The following CRTC3 variants were observed in gnomAD, a reference collection of about 807,000 sequenced individuals.
The protein encoded by CRTC3 is CREB-regulated transcription coactivator 3.
CRTC3 carries 26 observed loss-of-function variants against 74.5 expected under a neutral mutation model. The observed-to-expected ratio is 0.35, with a 90% CI of 0.26 to 0.48. The LOEUF (loss-of-function observed/expected upper bound fraction) is 0.48. Among genes scored for constraint, CRTC3 ranks in the 20% least tolerant of loss-of-function variants. The pLI is 0.99. For synonymous variants in CRTC3, 377 were observed against 325.8 expected (o/e 1.16, Z -1.69); for missense variants, 760 against 787.3 (o/e 0.97, Z 0.41).
chr15:90,599,954 C>T (rs1283076540), intron 3 of CRTC3, among the ~76,000 whole-genome samples: 1 of 151,724 alleles, frequency 6.6e-6, no homozygotes, highest in Admixed American at 6.6e-5. Context: ...GGTTCTGAGG[C>T]TCGGTGTTTC....
At chr15:90,564,735 A>C (rs1466064588) in intron 2 of CRTC3, among the ~76,000 whole-genome samples, 2 of 152,220 alleles carry the variant, frequency 1.3e-5, no homozygotes, top group Non-Finnish European at 2.9e-5. Flanking sequence ...CCTAACCAGC[A>C]AAGAAACATC....
chr15:90,606,226 G>A (rs865778415), intron 5 of CRTC3, among the ~76,000 whole-genome samples: 29 of 150,474 alleles, frequency 1.9e-4, no homozygotes, highest in Admixed American at 4.7e-4. Flanking sequence ...CAGCCTGGGC[G>A]ACAAGAGTGA....
At chr15:90,562,694 A>C (rs1224206269) in intron 2 of CRTC3, among the ~76,000 whole-genome samples, 1 of 152,042 alleles carries the variant, frequency 6.6e-6, no homozygotes, top group African/African-American at 2.4e-5. Context: ...CCTTCCCTTG[A>C]CTACCTAGGA....
At chr15:90,562,848 G>A (rs372375454) in intron 2 of CRTC3, among the ~76,000 whole-genome samples, 2 of 151,964 alleles carry the variant, frequency 1.3e-5, no homozygotes, top group Non-Finnish European at 1.5e-5. Context: ...CAGACCAGCC[G>A]CAAGCAGGAG....
intron 2 of CRTC3, among the ~76,000 whole-genome samples, chr15:90,577,358 C>T (rs1332353441): frequency 6.6e-6 from 1 of 152,182 alleles, no homozygotes; most frequent in African/African-American, 2.4e-5. Context: ...CCAAATCAGT[C>T]TGGCAGAGAG....
At position 90,629,349 on chromosome 15, in the gene CRTC3, C is replaced by G. The variant is rs773543374; in HGVS notation, c.1083C>G (p.His361Gln). Reference protein sequence around the residue: ...QTSVPNASALHPSLRLFSLSN... With the variant: ...QTSVPNASALQPSLRLFSLSN... ...CTGTTCCCAACGCATCTGCTCTTCA[C>G]CCTTCGCTCCGTCTGTTTTCCCTTA... Residue 361 changes from histidine (H) to glutamine (Q), a missense_variant, in exon 11 of 15, where the codon CAC (histidine) becomes CAG (glutamine). Physicochemically the swap from His to Gln is conservative, Grantham distance 24. Transcript: ENST00000268184. The G allele has an allele frequency of 1.9e-6, 3 of 1,614,028 alleles. No homozygotes were observed. The highest frequency in any genetic ancestry group is 2.5e-6 in the Non-Finnish European group (3 of 1,180,042).
intron 9 of CRTC3, among the ~76,000 whole-genome samples, chr15:90,621,765 G>A (rs1257700953): frequency 1.3e-5 from 2 of 152,176 alleles, no homozygotes; most frequent in Non-Finnish European, 1.5e-5. Flanking sequence ...TTTAAAGCAG[G>A]TGTTTCTTAG....
intron 2 of CRTC3, among the ~76,000 whole-genome samples, chr15:90,553,983 A>G (rs1046582080): frequency 5.3e-5 from 8 of 152,190 alleles, no homozygotes; most frequent in African/African-American, 1.7e-4. Flanking sequence ...TGTGATGGGC[A>G]AAAGGGTCAT....
Position 90,627,835 on chromosome 15 carries a change from T to C in CRTC3, c.968-1399T>C, listed in dbSNP as rs376491306. The stretch of plus-strand genomic sequence containing the variant: ...TTCACCTTGTTAGCCAGGATGGTCT[T>C]GATCTCCTGACCTCATGATCCACCC... On this transcript the variant is annotated intron_variant, in intron 10 of 14. Transcript: ENST00000268184. Among the ~76,000 whole-genome samples, 223 of 111,774 alleles carry C rather than the reference T, an allele frequency of 2.0e-3. 4 individuals carry two copies. In the South Asian group the frequency reaches 0.045, roughly 22 times the overall value. 73.3% of individuals were successfully genotyped at this position (111,774 alleles called of 152,430 possible). A position where few individuals can be genotyped will look rare whatever the true frequency, so the allele number is the denominator to read the frequency against.
intron 2 of CRTC3, among the ~76,000 whole-genome samples, chr15:90,547,918 G>T (rs111283997): frequency 0.039 from 5,370 of 138,002 alleles, 153 homozygotes; most frequent in Non-Finnish European, 0.057. Flanking sequence ...TTGTGACAAG[G>T]TCTCAAGGTC....
chr15:90,601,215 T>C (rs1968059735), intron 3 of CRTC3, among the ~76,000 whole-genome samples: 1 of 152,150 alleles, frequency 6.6e-6, no homozygotes, highest in Non-Finnish European at 1.5e-5. Flanking sequence ...CAGCATCCCA[T>C]TTGTGTCTCC....
chr15:90,617,940 T>G lies in CRTC3; in HGVS notation c.671T>G (p.Leu224Arg). 1.2e-6 allele frequency: 2 copies of G among 1,612,388 alleles called. No individual in the cohort carries two copies. Among genetic ancestry groups the G allele is most frequent in the Admixed American group, 1.7e-5 (1 of 60,012 alleles). ...AATCTGTTAAATGTTCCGAAGCCAC[T>G]GCCAAAACAACTGTGGGAGACCAAG... is the stretch of plus-strand genomic sequence containing the variant. The part of the protein sequence containing the change: ...EENLLNVPKP[L>R]PKQLWETKEI... Residue 224 changes from leucine (L) to arginine (R), a missense_variant, in exon 8 of 15, where the codon CTG becomes CGG. Physicochemically the swap from Leu to Arg is moderately radical, Grantham distance 102. Coordinates refer to ENST00000268184, the MANE Select transcript of CRTC3 (RefSeq NM_022769.5).
At chr15:90,611,126 A>G (rs1968346308) in intron 6 of CRTC3, among the ~76,000 whole-genome samples, 1 of 152,122 alleles carries the variant, frequency 6.6e-6, no homozygotes, top group Non-Finnish European at 1.5e-5. Flanking sequence ...AGATCTGAAG[A>G]GGGGCAAAAA....
intron 11 of CRTC3, among the ~76,000 whole-genome samples, chr15:90,631,908 A>AT (rs1029999331): frequency 1.4e-3 from 204 of 149,512 alleles, no homozygotes; most frequent in African/African-American, 2.7e-3. Flanking sequence ...CATAATTTTT[A>AT]TTTTTTTTTA....
chr15:90,612,556 A>G (rs1206677314), intron 6 of CRTC3, among the ~76,000 whole-genome samples: 1 of 152,032 alleles, frequency 6.6e-6, no homozygotes, highest in Admixed American at 6.6e-5. Flanking sequence ...AGGCTTAATA[A>G]TTAAACCTCG....
At chr15:90,638,864 A>G (rs759394271) in intron 13 of CRTC3, 49 bp downstream of exon 13, 2 of 1,457,454 alleles carry the variant, frequency 1.4e-6, no homozygotes, top group Non-Finnish European at 1.9e-6. Flanking sequence ...AAACTGTACC[A>G]TTTAGGTTGT....
chr15:90,558,825 C>T (rs1280863674), intron 2 of CRTC3, among the ~76,000 whole-genome samples: 1 of 151,910 alleles, frequency 6.6e-6, no homozygotes, highest in Non-Finnish European at 1.5e-5. Context: ...GATCTCGGCT[C>T]ACTGCAACCT....
chr15:90,631,836 C>T (rs888547048), intron 11 of CRTC3, among the ~76,000 whole-genome samples: 5 of 152,142 alleles, frequency 3.3e-5, no homozygotes, highest in Admixed American at 6.5e-5. Flanking sequence ...CGCACCTCAG[C>T]CTCCCAAAGG....
At chr15:90,619,633 GC>G (rs1346095372) in intron 8 of CRTC3, 107 bp from the exon 9 acceptor site, 5 of 846,608 alleles carry the variant, frequency 5.9e-6, no homozygotes, top group African/African-American at 5.0e-5. Context: ...CGACACGCAA[GC>G]TCTCACTTGC....
Sources: gnomAD v4.1 joint callset for allele counts (sites outside exome capture counted in the v4.1 genomes callset) on GRCh38, gnomAD v4.1.1 for gene constraint, MANE v1.5 for transcripts, NCBI Gene and HGNC (gene_info 2026-07-23, HGNC 2026-07-21) for gene names.